The following WDR17 variants were observed in gnomAD, a reference collection of about 807,000 sequenced individuals.
WDR17 encodes the protein WD repeat-containing protein 17.
A neutral mutation model predicts 161.7 loss-of-function variants in WDR17; 143 were observed. The ratio of observed to expected loss-of-function variants is 0.88; its 90% confidence interval spans 0.77 to 1.02. The LOEUF (loss-of-function observed/expected upper bound fraction) is 1.02, where lower values mean the gene tolerates loss of function less well. Among genes scored for constraint, WDR17 ranks in the 50% least tolerant of loss-of-function variants. The pLI is 0.00. For missense variants in WDR17, 1,469 were observed against 1,520.9 expected (o/e 0.97, Z 0.57); for synonymous variants, 517 against 515.6 (o/e 1.00, Z -0.04).
At chr4:176,141,680 G>A (rs1463397132) in intron 10 of WDR17, among the ~76,000 whole-genome samples, 3 of 152,054 alleles carry the variant, frequency 2.0e-5, no homozygotes, top group Non-Finnish European at 4.4e-5. Context: ...TGATCCACCC[G>A]CCTCGACCTC....
At chr4:176,107,219 C>A (rs1481034615) in intron 1 of WDR17, among the ~76,000 whole-genome samples, 1 of 151,576 alleles carries the variant, frequency 6.6e-6, no homozygotes, top group Non-Finnish European at 1.5e-5. Context: ...TAGGGAAATG[C>A]AAATCAAAAG....
In WDR17 at chr4:176,161,922, T is replaced by C. The variant is rs192132554; in HGVS notation, c.2751-153T>C. On this transcript the variant is annotated intron_variant, in intron 20 of 28. Transcript: ENST00000508596. ...GACCGTATACTTGTAAAGACCACTTTCCTGATTTATTTTTTCCAAAAACAA... is the reference window on the plus strand; with the variant it reads ...GACCGTATACTTGTAAAGACCACTTCCCTGATTTATTTTTTCCAAAAACAA... Among the ~76,000 whole-genome samples the C allele has an allele frequency of 2.4e-3, 372 of 152,274 alleles. 2 individuals carry two copies. The highest frequency in any genetic ancestry group is 8.6e-3 in the African/African-American group (358 of 41,562).
chr4:176,089,828 G>A (rs1360398696), intron 1 of WDR17, among the ~76,000 whole-genome samples: 1 of 151,914 alleles, frequency 6.6e-6, no homozygotes, highest in African/African-American at 2.4e-5. Flanking sequence ...ATTTTTCCCT[G>A]GTTCCTAGGG....
chr4:176,135,968 T>C (rs886126402), intron 8 of WDR17, among the ~76,000 whole-genome samples: 1 of 151,688 alleles, frequency 6.6e-6, no homozygotes, highest in Non-Finnish European at 1.5e-5. Context: ...TTTAAAATTA[T>C]TTCTTCATAC....
chr4:176,100,804 G>T (rs1737700121), intron 1 of WDR17, among the ~76,000 whole-genome samples: 1 of 151,868 alleles, frequency 6.6e-6, no homozygotes, highest in Admixed American at 6.6e-5. Context: ...CCTGTATATG[G>T]ATGTCTAATT....
chr4:176,125,435 G>T, intron 5 of WDR17, 80 bp downstream of exon 5: 1 of 1,506,256 alleles, frequency 6.6e-7, no homozygotes, highest in Non-Finnish European at 8.9e-7. Context: ...TCCTTTATAG[G>T]TTGATTTTGT....
chr4:176,125,876 G>A (rs1335219145), intron 5 of WDR17, among the ~76,000 whole-genome samples: 1 of 152,202 alleles, frequency 6.6e-6, no homozygotes, highest in Non-Finnish European at 1.5e-5. Context: ...GTTTAGATTA[G>A]TTTAAGGCTA....
chr4:176,131,845 T>G, intron 7 of WDR17, 107 bp downstream of exon 7: 1 of 895,660 alleles, frequency 1.1e-6, no homozygotes, highest in South Asian at 3.3e-5. Context: ...TTGTAAGTAA[T>G]AATATACTAG....
intron 11 of WDR17, among the ~76,000 whole-genome samples, chr4:176,144,157 G>T (rs1344516441): frequency 6.6e-6 from 1 of 152,084 alleles, no homozygotes; most frequent in Admixed American, 6.5e-5. Context: ...CACCCTACCT[G>T]GGTGGGAGAT....
chr4:176,155,069 T>C (rs1747850548), intron 17 of WDR17, among the ~76,000 whole-genome samples: 1 of 152,176 alleles, frequency 6.6e-6, no homozygotes, highest in Non-Finnish European at 1.5e-5. Context: ...TAGAAATAGA[T>C]GGTATATTTG....
chr4:176,109,347 T>C (rs1739326766), intron 1 of WDR17, among the ~76,000 whole-genome samples: 1 of 152,260 alleles, frequency 6.6e-6, no homozygotes, highest in East Asian at 1.9e-4. Flanking sequence ...AGTGTATATC[T>C]TTTTTATTTA....
At chr4:176,104,480 T>C (rs1289099972) in intron 1 of WDR17, among the ~76,000 whole-genome samples, 1 of 152,036 alleles carries the variant, frequency 6.6e-6, no homozygotes, top group Non-Finnish European at 1.5e-5. Context: ...GGTTGGTGAT[T>C]CCACATTTTA....
At chr4:176,132,438 T>G (rs1743617017) in intron 7 of WDR17, among the ~76,000 whole-genome samples, 1 of 152,104 alleles carries the variant, frequency 6.6e-6, no homozygotes, top group Admixed American at 6.5e-5. Context: ...CTTTTTCCAC[T>G]GGTTTGAATT....
intron 6 of WDR17, among the ~76,000 whole-genome samples, chr4:176,129,764 A>G (rs546222312): frequency 4.8e-4 from 73 of 152,286 alleles, no homozygotes; most frequent in African/African-American, 1.7e-3. Flanking sequence ...CCCCTTGTAC[A>G]AAATTGTGAA....
intron 1 of WDR17, among the ~76,000 whole-genome samples, chr4:176,070,823 T>G (rs1313690858): frequency 6.6e-6 from 1 of 151,974 alleles, no homozygotes; most frequent in African/African-American, 2.4e-5. Context: ...GCCCTGTTTT[T>G]GTTTTTGTTT....
chr4:176,125,185 G>T lies in WDR17; in HGVS notation c.620G>T (p.Trp207Leu). 6.2e-7 allele frequency: 1 copy of T among 1,614,146 alleles called. No homozygotes were observed. Reference protein sequence around the residue: ...DEEDPVTALEWDPLSTDYLLV... With the variant: ...DEEDPVTALELDPLSTDYLLV... The stretch of plus-strand genomic sequence containing the variant: ...GAGGATCCAGTTACGGCCTTGGAAT[G>T]GGACCCACTATCTACTGATTATCTT... Residue 207 changes from tryptophan to leucine, a missense_variant, in exon 5 of 29, where the codon TGG becomes TTG. Physicochemically the swap from Trp to Leu is moderately conservative, Grantham distance 61. Coordinates refer to ENST00000508596, the MANE Select transcript of WDR17 (RefSeq NM_181265.4).
intron 7 of WDR17, among the ~76,000 whole-genome samples, chr4:176,134,520 A>G (rs575120176): frequency 3.3e-5 from 5 of 151,786 alleles, no homozygotes; most frequent in African/African-American, 9.6e-5. Context: ...ATCATTGTGT[A>G]ATGGGAACAA....
rs1184518762 is a variant in WDR17 at position 176,162,085 on chromosome 4, A to G, written c.2761A>G (p.Lys921Glu). 1 of 1,612,408 alleles carries G rather than the reference A, an allele frequency of 6.2e-7. No homozygotes were observed. Among genetic ancestry groups the G allele is most frequent in the Admixed American group, 1.7e-5 (1 of 59,798 alleles). Reference protein sequence around the residue: ...YKEDFNELLHKVSKELAEWYF... With the variant: ...YKEDFNELLHEVSKELAEWYF... ...TTTTTTTCTTTCTAGACTCCTGCAC[A>G]AAGTCAGTAAAGAACTGGCAGAATG... The change falls in exon 21 of 29, where the codon AAA (lysine) becomes GAA (glutamate). Residue 921 changes from lysine to glutamate, a missense_variant. Lys to Glu is a moderately conservative substitution (Grantham distance 56). Transcript: ENST00000508596.
intron 1 of WDR17, among the ~76,000 whole-genome samples, chr4:176,076,728 A>T (rs1734090769): frequency 6.6e-6 from 1 of 151,452 alleles, no homozygotes. Flanking sequence ...TAGCCATCTC[A>T]TCCTGCAGCC....
Sources: gnomAD v4.1 joint callset for allele counts (sites outside exome capture counted in the v4.1 genomes callset) on GRCh38, gnomAD v4.1.1 for gene constraint, MANE v1.5 for transcripts, NCBI Gene and HGNC (gene_info 2026-07-23, HGNC 2026-07-21) for gene names.